Variants in CPQ observed in about 807,000 individuals in gnomAD.
CPQ encodes Ser-Met dipeptidase.
Under a neutral mutation model 45.7 loss-of-function variants are expected in CPQ, and 37 were observed. The observed-to-expected ratio is 0.81, with a 90% CI of 0.62 to 1.07. The LOEUF is 1.07. Among genes scored for constraint, CPQ ranks in the 50% least tolerant of loss-of-function variants. The probability of loss-of-function intolerance (pLI) is 0.00; values close to 1 mark genes in which losing one functional copy is unlikely to be tolerated. For missense variants in CPQ, 537 were observed against 572.9 expected, an observed-to-expected ratio of 0.94 and a Z score of 0.64; for synonymous variants, 186 against 205.8, an observed-to-expected ratio of 0.90 and a Z score of 0.82.
At chr8:96,784,182 A>G (rs1034405228) in intron 1 of CPQ, among the ~76,000 whole-genome samples, 1 of 152,092 alleles carries the variant, frequency 6.6e-6, no homozygotes, top group South Asian at 2.1e-4. Flanking sequence ...TGTTATTGTT[A>G]TTATTATTTA....
chr8:96,808,116 C>T (rs1407547658), intron 2 of CPQ, among the ~76,000 whole-genome samples: 1 of 152,116 alleles, frequency 6.6e-6, no homozygotes, highest in Non-Finnish European at 1.5e-5. Context: ...ATTTTGTTCT[C>T]ATTCATATTC....
chr8:96,851,034 T>A (rs1560353), intron 3 of CPQ, among the ~76,000 whole-genome samples: 72,782 of 152,032 alleles, frequency 0.48, 17,736 homozygotes, highest in African/African-American at 0.54. Flanking sequence ...CAGAGAGGGG[T>A]AAAGAAAAGA....
chr8:96,883,710 G>C (rs1202528978), intron 4 of CPQ, among the ~76,000 whole-genome samples: 1 of 152,088 alleles, frequency 6.6e-6, no homozygotes, highest in East Asian at 1.9e-4. Context: ...GAAAAAGAAT[G>C]GCCTTATCCC....
At chr8:97,029,609 C>A in intron 6 of CPQ, 115 bp downstream of exon 6, 1 of 882,026 alleles carries the variant, frequency 1.1e-6, no homozygotes, top group Non-Finnish European at 1.8e-6. Context: ...CTAGGAAACA[C>A]CCTTGTATGA....
At chr8:97,114,604 T>C (rs150486304) in intron 7 of CPQ, among the ~76,000 whole-genome samples, 77 of 152,286 alleles carry the variant, frequency 5.1e-4, no homozygotes, top group African/African-American at 1.8e-3. Flanking sequence ...ATATCAAGAA[T>C]TTCATCCCTC....
intron 2 of CPQ, among the ~76,000 whole-genome samples, chr8:96,798,426 C>T (rs1364867274): frequency 1.3e-5 from 2 of 152,150 alleles, no homozygotes; most frequent in Non-Finnish European, 2.9e-5. Flanking sequence ...GCATAAGCCA[C>T]CATGCCCAGC....
intron 1 of CPQ, among the ~76,000 whole-genome samples, chr8:96,700,449 G>A (rs575702086): frequency 2.6e-5 from 4 of 152,244 alleles, no homozygotes; most frequent in South Asian, 2.1e-4. Context: ...GGTTGAGTGC[G>A]TGGACCAGTG....
chr8:96,874,192 C>T (rs1450570672), intron 3 of CPQ, among the ~76,000 whole-genome samples: 1 of 151,808 alleles, frequency 6.6e-6, no homozygotes, highest in Non-Finnish European at 1.5e-5. Context: ...TGCTTTTACA[C>T]ATCTCATAAG....
At chr8:97,117,852 A>G (rs1326765777) in intron 7 of CPQ, among the ~76,000 whole-genome samples, 1 of 152,216 alleles carries the variant, frequency 6.6e-6, no homozygotes, top group Non-Finnish European at 1.5e-5. Flanking sequence ...CACGAGCCAC[A>G]GTGCCCAGCC....
chr8:97,021,546 G>A (rs1809683283), intron 5 of CPQ, among the ~76,000 whole-genome samples: 1 of 152,104 alleles, frequency 6.6e-6, no homozygotes, highest in Non-Finnish European at 1.5e-5. Context: ...GAAATCAGTA[G>A]GTCTTCTATA....
chr8:96,786,807 C>A (rs555446199), intron 2 of CPQ, among the ~76,000 whole-genome samples: 2 of 152,148 alleles, frequency 1.3e-5, no homozygotes, highest in East Asian at 3.9e-4. Flanking sequence ...TCTTACTCGC[C>A]ATTTGTTTAT....
chr8:96,982,208 C>T (rs905214414), intron 5 of CPQ, among the ~76,000 whole-genome samples: 4 of 152,228 alleles, frequency 2.6e-5, no homozygotes, highest in Admixed American at 1.3e-4. Flanking sequence ...TGTCCTACAG[C>T]GTTTTATAAC....
chr8:96,740,145 T>G (rs910879080), intron 1 of CPQ, among the ~76,000 whole-genome samples: 9 of 152,032 alleles, frequency 5.9e-5, no homozygotes, highest in African/African-American at 1.9e-4. Flanking sequence ...CCTTGAGCAG[T>G]GGTTTGTAGT....
chr8:96,859,761 G>A (rs1811902804), intron 3 of CPQ, among the ~76,000 whole-genome samples: 1 of 152,012 alleles, frequency 6.6e-6, no homozygotes, highest in South Asian at 2.1e-4. Context: ...AACTCCTTCA[G>A]ATTCTTTCAT....
intron 1 of CPQ, among the ~76,000 whole-genome samples, chr8:96,660,004 C>A (rs747016177): frequency 1.6e-4 from 25 of 152,130 alleles, no homozygotes; most frequent in Non-Finnish European, 2.8e-4. Flanking sequence ...TGGAATAAAT[C>A]CCAAACTCCT....
At chr8:96,777,309 A>G (rs549655172) in intron 1 of CPQ, among the ~76,000 whole-genome samples, 7 of 152,246 alleles carry the variant, frequency 4.6e-5, no homozygotes, top group African/African-American at 1.4e-4. Flanking sequence ...GTTTGCCTGA[A>G]AACATCTACT....
At chr8:96,980,441 T>G (rs1813873713) in intron 5 of CPQ, among the ~76,000 whole-genome samples, 1 of 152,176 alleles carries the variant, frequency 6.6e-6, no homozygotes, top group Non-Finnish European at 1.5e-5. Flanking sequence ...CCTAAATTAT[T>G]TAACATTTTA....
chr8:97,048,255 C>T (rs1183475126), intron 6 of CPQ, among the ~76,000 whole-genome samples: 4 of 152,164 alleles, frequency 2.6e-5, no homozygotes, highest in African/African-American at 9.7e-5. Context: ...GAAAGTAATA[C>T]AATTTAGAAG....
chr8:97,017,345 A>C (rs1809599029), intron 5 of CPQ, among the ~76,000 whole-genome samples: 1 of 152,192 alleles, frequency 6.6e-6, no homozygotes, highest in Non-Finnish European at 1.5e-5. Flanking sequence ...GGAAAAGGCC[A>C]CAGGGAGAAG....
Sources: gnomAD v4.1 joint callset for allele counts (sites outside exome capture counted in the v4.1 genomes callset) on GRCh38, gnomAD v4.1.1 for gene constraint, MANE v1.5 for transcripts, NCBI Gene and HGNC (gene_info 2026-07-23, HGNC 2026-07-21) for gene names.